Variants in ANO4 observed in about 807,000 individuals in gnomAD.
ANO4 encodes the protein anoctamin 4.
A neutral mutation model predicts 141.9 loss-of-function variants in ANO4; 69 were observed. The ratio of observed to expected loss-of-function variants is 0.49; its 90% CI spans 0.40 to 0.59. ANO4 has a LOEUF of 0.59. Among genes scored for constraint, ANO4 ranks in the 20% least tolerant of loss-of-function variants. The pLI is 0.00. For missense variants in ANO4, 894 were observed against 1,162.2 expected (o/e 0.77, Z 3.36); for synonymous variants, 350 against 394.3 (o/e 0.89, Z 1.33).
intron 1 of ANO4, among the ~76,000 whole-genome samples, chr12:100,718,904 G>A (rs1254780992): frequency 6.6e-6 from 1 of 152,052 alleles, no homozygotes; most frequent in Non-Finnish European, 1.5e-5. Flanking sequence ...CCTATCAGAG[G>A]GATCTAACTT....
At position 101,024,383 on chromosome 12, in the gene ANO4, G is replaced by A. The variant is rs574593041; in HGVS notation, c.841+4243G>A. Among the ~76,000 whole-genome samples the A allele has an allele frequency of 2.0e-5, 3 of 152,208 alleles. No homozygotes were observed. The South Asian group carries it at 6.2e-4, about 32-fold the overall frequency. ...GGCCAAGGCAGGTGGATCAGTTGAG[G>A]TCAGGAGTTCGAGATCAGCCTGACC... On this transcript the variant is annotated intron_variant, in intron 9 of 27. Coordinates refer to ENST00000392977, the MANE Select transcript of ANO4 (RefSeq NM_001286615.2).
chr12:101,032,010 A>G (rs146872213), intron 9 of ANO4, among the ~76,000 whole-genome samples: 12,993 of 152,302 alleles, frequency 0.085, 674 homozygotes, highest in South Asian at 0.15. Context: ...ATACTGCCCA[A>G]AGTAATTTAT....
chr12:100,912,844 T>C (rs2136071554), intron 2 of ANO4, among the ~76,000 whole-genome samples: 1 of 152,340 alleles, frequency 6.6e-6, no homozygotes, highest in East Asian at 1.9e-4. Flanking sequence ...ACTTCTGTTT[T>C]ATTTCTCATT....
At chr12:100,937,722 A>T (rs1235103709) in intron 3 of ANO4, among the ~76,000 whole-genome samples, 1 of 152,136 alleles carries the variant, frequency 6.6e-6, no homozygotes, top group Admixed American at 6.5e-5. Context: ...GAAGTCCCAA[A>T]ATCAAGACTC....
chr12:101,002,290 T>G (rs1566112890), intron 8 of ANO4, among the ~76,000 whole-genome samples: 1 of 152,190 alleles, frequency 6.6e-6, no homozygotes, highest in East Asian at 1.9e-4. Flanking sequence ...AGCGCATGGA[T>G]TGGCAAGCAG....
intron 8 of ANO4, among the ~76,000 whole-genome samples, chr12:100,991,653 A>T (rs1057401352): frequency 2.6e-5 from 4 of 151,904 alleles, no homozygotes; most frequent in Non-Finnish European, 5.9e-5. Context: ...TCTATGTTTT[A>T]GTAATATTTT....
chr12:100,851,877 A>C (rs1262268139), intron 1 of ANO4, among the ~76,000 whole-genome samples: 1 of 152,122 alleles, frequency 6.6e-6, no homozygotes, highest in Non-Finnish European at 1.5e-5. Context: ...CCTTAGTGGG[A>C]GTATGCTCAG....
chr12:100,910,603 AACTGAAGC>A (rs2136063017), intron 2 of ANO4, among the ~76,000 whole-genome samples: 2 of 152,304 alleles, frequency 1.3e-5, no homozygotes, highest in South Asian at 4.1e-4. Flanking sequence ...GAGCATAGTA[AACTGAAGC>A]ACTGATTTTG....
At chr12:101,064,781 A>G (rs2048509185) in intron 14 of ANO4, among the ~76,000 whole-genome samples, 1 of 152,134 alleles carries the variant, frequency 6.6e-6, no homozygotes, top group South Asian at 2.1e-4. Context: ...AAAATATTAA[A>G]TGGAAAATTC....
intron 7 of ANO4, among the ~76,000 whole-genome samples, chr12:100,976,665 A>C (rs1369381929): frequency 1.3e-5 from 2 of 152,192 alleles, no homozygotes; most frequent in Admixed American, 6.5e-5. Flanking sequence ...GCTGCTGGTC[A>C]CGGGACGATG....
intron 1 of ANO4, among the ~76,000 whole-genome samples, chr12:100,887,505 C>A (rs2039894476): frequency 6.7e-6 from 1 of 148,968 alleles, no homozygotes; most frequent in Admixed American, 6.8e-5. Flanking sequence ...AACCAAATGA[C>A]CCTGGGTTTC....
chr12:100,793,422 A>G (rs553228408), upstream of ANO4, among the ~76,000 whole-genome samples: 18 of 152,298 alleles, frequency 1.2e-4, no homozygotes, highest in Admixed American at 1.1e-3. Flanking sequence ...CTTGGAGCTC[A>G]GCCCTTCCTT....
chr12:101,094,242 A>T lies in ANO4; in HGVS notation c.1702-14A>T, dbSNP rs372775403. The T allele has an allele frequency of 6.2e-7, 1 of 1,606,306 alleles. No individual in the cohort carries two copies. The highest frequency in any genetic ancestry group is 1.7e-5 in the Admixed American group (1 of 59,776). On this transcript the variant is annotated splice_polypyrimidine_tract_variant and intron_variant, in intron 17 of 27. Transcript: ENST00000392977. ...TGCAGTTCATTTATTAAATGCATGA[A>T]ATTTATTTTACAGCTCTATGAAAAA...
chr12:100,848,653 G>C (rs1405942489), intron 1 of ANO4, among the ~76,000 whole-genome samples: 2 of 152,140 alleles, frequency 1.3e-5, no homozygotes, highest in Non-Finnish European at 2.9e-5. Flanking sequence ...CTGGTCCATT[G>C]CTCCAGCTTC....
chr12:101,066,641 A>G, intron 14 of ANO4: 1 of 579,744 alleles, frequency 1.7e-6, no homozygotes, highest in South Asian at 2.1e-5. Flanking sequence ...GAGAGTATCC[A>G]TGGCTTTGCG....
chr12:100,926,566 C>CA (rs1475577581), intron 3 of ANO4, among the ~76,000 whole-genome samples: 1 of 151,726 alleles, frequency 6.6e-6, no homozygotes, highest in Non-Finnish European at 1.5e-5. Flanking sequence ...TTTTTAGGAA[C>CA]AGGCATTTAC....
chr12:100,741,528 G>T (rs2031865489), intron 3 of ANO4, among the ~76,000 whole-genome samples: 1 of 152,106 alleles, frequency 6.6e-6, no homozygotes, highest in African/African-American at 2.4e-5. Context: ...GATTCCTGCG[G>T]TTCACAAACA....
At chr12:101,114,495 C>T (rs961424523) in intron 24 of ANO4, among the ~76,000 whole-genome samples, 6 of 152,142 alleles carry the variant, frequency 3.9e-5, no homozygotes, top group East Asian at 1.9e-4. Flanking sequence ...GTCATTCATG[C>T]ATTAGGTCCA....
intron 1 of ANO4, among the ~76,000 whole-genome samples, chr12:100,825,374 C>A (rs1259396280): frequency 6.6e-6 from 1 of 152,010 alleles, no homozygotes; most frequent in Admixed American, 6.6e-5. Context: ...TTCAACTACT[C>A]TGAAATATAA....
Sources: gnomAD v4.1 joint callset for allele counts (sites outside exome capture counted in the v4.1 genomes callset) on GRCh38, gnomAD v4.1.1 for gene constraint, MANE v1.5 for transcripts, NCBI Gene and HGNC (gene_info 2026-07-23, HGNC 2026-07-21) for gene names.